The following TCF3 variants were observed in gnomAD, a reference collection of about 807,000 sequenced individuals.
TCF3 encodes transcription factor E2-alpha.
TCF3 carries 54 observed loss-of-function variants against 72.3 expected under a neutral mutation model. That is an observed-to-expected ratio of 0.75 (90% CI 0.60 to 0.94). The LOEUF (loss-of-function observed/expected upper bound fraction) is 0.94. Ranked by LOEUF, TCF3 falls within the 40% of genes least tolerant of loss-of-function variation. The pLI, the probability that TCF3 is intolerant of heterozygous loss-of-function variation, is 0.00. For synonymous variants in TCF3, 525 were observed against 412.6 expected (o/e 1.27, Z -3.30); for missense variants, 1,078 against 934.4 (o/e 1.15, Z -2.00).
Position 1,632,326 on chromosome 19 carries a change from T to G in TCF3, c.219+6A>C. 6.3e-7 allele frequency: 1 copy of G among 1,581,010 alleles called. No individual in the cohort carries two copies. The highest frequency in any genetic ancestry group is 8.6e-7 in the Non-Finnish European group (1 of 1,163,410). On this transcript the variant is annotated splice_donor_region_variant and intron_variant, in intron 4 of 18. Coordinates refer to ENST00000262965, the MANE Select transcript of TCF3 (RefSeq NM_003200.5). ...TCAGGGTCTCAGGCCTCACGGGGAC[T>G]CCTACCCGGCTGGGGTCAAAGGAGG...
chr19:1,651,896 C>G (rs1395602894), intron 1 of TCF3, among the ~76,000 whole-genome samples: 1 of 151,386 alleles, frequency 6.6e-6, no homozygotes. Flanking sequence ...CTCCCCACCC[C>G]AAACTCCGGC....
In TCF3 at chr19:1,611,823, A is replaced by G. The variant is rs978342037; in HGVS notation, c.1849T>C (p.Cys617Arg). ...TTTTCCTCTTCTCGCCGTTTCAAAC[A>G]GGCTGCTTTGGGATTCAGGTTCCGC... Reference protein sequence around the residue: ...RERNLNPKAACLKRREEEKVS... With the variant: ...RERNLNPKAARLKRREEEKVS... Residue 617 changes from cysteine to arginine, a missense_variant, in exon 19 of 19, where the codon TGT becomes CGT. Cys to Arg is a radical substitution (Grantham distance 180). Transcript: ENST00000262965. 1 of 1,612,058 alleles carries G rather than the reference A, an allele frequency of 6.2e-7. No individual in the cohort carries two copies. Among genetic ancestry groups the G allele is most frequent in the Admixed American group, 1.7e-5 (1 of 59,844 alleles).
intron 6 of TCF3, 67 bp downstream of exon 6, chr19:1,627,292 T>C: frequency 7.4e-7 from 1 of 1,347,480 alleles, no homozygotes; most frequent in Non-Finnish European, 1.0e-6. Flanking sequence ...CTTCTGCAGA[T>C]CAGAGAGGGT....
At chr19:1,624,716 A>G (rs1032129214) in intron 7 of TCF3, among the ~76,000 whole-genome samples, 3 of 152,232 alleles carry the variant, frequency 2.0e-5, no homozygotes, top group Non-Finnish European at 4.4e-5. Flanking sequence ...CACAGTGGGA[A>G]AAGTTCGAGT....
At position 1,611,810 on chromosome 19, in the gene TCF3, C is replaced by A. The variant is rs779908158; in HGVS notation, c.1862G>T (p.Arg621Leu). The change falls in exon 19 of 19, where the codon CGA (arginine) becomes CTA (leucine). Residue 621 changes from arginine (R) to leucine (L), a missense_variant. Transcript: ENST00000262965. The part of the protein sequence containing the change: ...LNPKAACLKR[R>L]EEEKVSGVVG... The stretch of plus-strand genomic sequence containing the variant: ...CACACCTGACACCTTTTCCTCTTCT[C>A]GCCGTTTCAAACAGGCTGCTTTGGG... 21 of 1,613,340 alleles carry A rather than the reference C, an allele frequency of 1.3e-5. No homozygotes were observed. Among genetic ancestry groups the A allele is most frequent in the Admixed American group, 1.0e-4 (6 of 59,948 alleles).
At chr19:1,637,530 T>C in intron 3 of TCF3, among the ~76,000 whole-genome samples, 1 of 151,954 alleles carries the variant, frequency 6.6e-6, no homozygotes, top group African/African-American at 2.4e-5. Flanking sequence ...CGAGACCCCA[T>C]CCCGCTCTTG....
At chr19:1,650,407 T>A (rs527861210) in intron 1 of TCF3, 120 bp from the exon 2 acceptor site, 234 of 717,082 alleles carry the variant, frequency 3.3e-4, no homozygotes, top group Admixed American at 1.1e-3. Flanking sequence ...CCCTGGGGTC[T>A]GAGTTCCAGC....
At chr19:1,642,045 TAA>T (rs903204998) in intron 3 of TCF3, among the ~76,000 whole-genome samples, 1 of 142,100 alleles carries the variant, frequency 7.0e-6, no homozygotes, top group Non-Finnish European at 1.5e-5. Context: ...ACCTGGTCCC[TAA>T]AAAAAAAAAA....
intron 3 of TCF3, among the ~76,000 whole-genome samples, chr19:1,640,803 C>CA (rs1048302834): frequency 0.012 from 1,148 of 94,938 alleles, 8 homozygotes; most frequent in East Asian, 0.03. Context: ...GACTCCGTCT[C>CA]AAAAAAAAAA....
rs572680363 is a variant in TCF3, at chr19:1,650,489, C to A, written c.-39-202G>T. 46 of 518,754 alleles carry A rather than the reference C, an allele frequency of 8.9e-5. No homozygotes were observed. The highest frequency in any genetic ancestry group is 1.3e-4 in the Non-Finnish European group (39 of 291,092). 32.1% of individuals were successfully genotyped at this position (518,754 alleles called of 1,614,324 possible). A position where few individuals can be genotyped will look rare whatever the true frequency, so the allele number is the denominator to read the frequency against. On this transcript the variant is annotated intron_variant, in intron 1 of 18. Coordinates refer to ENST00000262965, the MANE Select transcript of TCF3 (RefSeq NM_003200.5). ...TGGAATTCCAGAGTCTAGGTCCCTG[C>A]AGAGTCCTCCCCAGAGACCACAGGG...
intron 5 of TCF3, among the ~76,000 whole-genome samples, chr19:1,630,790 C>G (rs1265416726): frequency 6.6e-6 from 1 of 151,940 alleles, no homozygotes; most frequent in Admixed American, 6.6e-5. Flanking sequence ...CCCTTACCAG[C>G]CCCCCAAGCA....
rs545052874 is a variant in TCF3 at position 1,609,554 on chromosome 19, C to T, written c.*2153G>A. On this transcript the variant is annotated 3_prime_UTR_variant, in exon 19 of 19. Transcript: ENST00000262965. ...GGGTGAATCTCGTTTGAATTCTATG[C>T]AGAACGCACAGTTCCAGAGGCTATG... The T allele has an allele frequency of 4.6e-6, 1 of 218,594 alleles. No homozygotes were observed. The highest frequency in any genetic ancestry group is 9.2e-6 in the Non-Finnish European group (1 of 109,206). 13.5% of individuals were successfully genotyped at this position (218,594 alleles called of 1,614,324 possible). A position where few individuals can be genotyped will look rare whatever the true frequency, so the allele number is the denominator to read the frequency against.
chr19:1,621,802 C>T (rs756496190), intron 11 of TCF3, 36 bp downstream of exon 11: 18 of 1,546,632 alleles, frequency 1.2e-5, no homozygotes, highest in Non-Finnish European at 1.3e-5. Flanking sequence ...GCCCAGTGTC[C>T]CCTCGGAGAG....
chr19:1,613,932 C>T (rs537186076), intron 18 of TCF3, among the ~76,000 whole-genome samples: 1 of 152,268 alleles, frequency 6.6e-6, no homozygotes, highest in Admixed American at 6.5e-5. Flanking sequence ...GCTGAGCCCC[C>T]TCTCCAGCCG....
At chr19:1,621,074 G>A (rs775203868) in intron 12 of TCF3, 28 bp from the exon 13 acceptor site, 23 of 1,519,890 alleles carry the variant, frequency 1.5e-5, no homozygotes, top group Middle Eastern at 3.4e-4. Context: ...AGAGATGGGC[G>A]GTCAGGGGCC....
rs754967378 is a variant in TCF3 at position 1,614,352 on chromosome 19, G to A, written c.1822+933C>T. Among the ~76,000 whole-genome samples, 1 of 152,182 alleles carries A rather than the reference G, an allele frequency of 6.6e-6. No homozygotes were observed. The highest frequency in any genetic ancestry group is 2.1e-4 in the South Asian group (1 of 4,832). On this transcript the variant is annotated intron_variant, in intron 18 of 18. Coordinates refer to ENST00000262965, the MANE Select transcript of TCF3 (RefSeq NM_003200.5). The surrounding 1 kb of genome is among the most constrained non-coding windows in gnomAD (Gnocchi z 5.6). Reference sequence around the variant, plus strand: ...TTTCTTCCCGCAAGCCCTGACGGGGGGCTTTGGGGGAGGAAACGCCCTGAG... The same window carrying A: ...TTTCTTCCCGCAAGCCCTGACGGGGAGCTTTGGGGGAGGAAACGCCCTGAG...
intron 3 of TCF3, among the ~76,000 whole-genome samples, chr19:1,637,723 C>G (rs1017180998): frequency 1.3e-5 from 2 of 152,202 alleles, no homozygotes; most frequent in South Asian, 2.1e-4. Context: ...TGCTGGCCAA[C>G]AGGGTGAAAC....
At chr19:1,651,390 C>T (rs2067019622) in intron 1 of TCF3, 2 of 227,262 alleles carry the variant, frequency 8.8e-6, no homozygotes, top group South Asian at 1.8e-4. Flanking sequence ...AAGCGGGCGC[C>T]CCAGCGCAGC....
chr19:1,612,646 G>T (rs564539914), intron 18 of TCF3, among the ~76,000 whole-genome samples: 1 of 151,292 alleles, frequency 6.6e-6, no homozygotes, highest in East Asian at 2.0e-4. Context: ...GTACACGGCT[G>T]GTGTTGGTGT....
Sources: allele counts gnomAD v4.1 joint callset (sites outside exome capture counted in the v4.1 genomes callset), GRCh38; gene constraint gnomAD v4.1.1; non-coding constraint Gnocchi (gnomAD v3.1); transcripts MANE v1.5; gene names NCBI Gene and HGNC (gene_info 2026-07-23, HGNC 2026-07-21).